Variants in ATXN1 observed in about 807,000 individuals in gnomAD.
ATXN1 encodes the protein ataxin-1.
ATXN1 carries 8 observed loss-of-function variants against 56.4 expected under a neutral mutation model. The observed-to-expected ratio is 0.14, with a 90% confidence interval of 0.08 to 0.26. ATXN1 has a LOEUF of 0.26. ATXN1 is among the 10% of genes least tolerant of loss of function. The pLI is 1.00. For synonymous variants in ATXN1, 514 were observed against 494.6 expected (o/e 1.04, Z -0.52); for missense variants, 987 against 1,106.5 (o/e 0.89, Z 1.53).
At chr6:16,582,595 C>A (rs955253610) in intron 4 of ATXN1, among the ~76,000 whole-genome samples, 1 of 152,150 alleles carries the variant, frequency 6.6e-6, no homozygotes, top group Non-Finnish European at 1.5e-5. Flanking sequence ...AGGTCTTGTA[C>A]ATGAATGCAA....
intron 6 of ATXN1, among the ~76,000 whole-genome samples, chr6:16,436,531 A>G (rs745674292): frequency 7.2e-5 from 11 of 152,190 alleles, no homozygotes; most frequent in Non-Finnish European, 1.0e-4. Context: ...AGAGACAGTA[A>G]CTTTTGGGGA....
intron 1 of ATXN1, among the ~76,000 whole-genome samples, chr6:16,753,671 G>A (rs996728276): frequency 1.8e-4 from 27 of 152,168 alleles, no homozygotes; most frequent in Non-Finnish European, 4.4e-5. Context: ...ATAAACACAT[G>A]CTGGTAACTA....
intron 2 of ATXN1, among the ~76,000 whole-genome samples, chr6:16,736,112 G>A (rs1279513901): frequency 6.6e-6 from 1 of 152,142 alleles, no homozygotes; most frequent in East Asian, 1.9e-4. Context: ...CTAAACTCCA[G>A]AATTCACTGA....
chr6:16,730,336 A>G (rs928735000), intron 2 of ATXN1, among the ~76,000 whole-genome samples: 9 of 152,122 alleles, frequency 5.9e-5, no homozygotes, highest in Non-Finnish European at 1.0e-4. Context: ...TTTCCTTTAT[A>G]AAATTAGATG....
At chr6:16,608,310 G>A (rs959596309) in intron 3 of ATXN1, among the ~76,000 whole-genome samples, 11 of 152,170 alleles carry the variant, frequency 7.2e-5, no homozygotes, top group Admixed American at 5.9e-4. Flanking sequence ...CTGGACCAGT[G>A]AGAAGGGATA....
At chr6:16,611,702 C>A (rs1291211883) in intron 3 of ATXN1, among the ~76,000 whole-genome samples, 2 of 151,982 alleles carry the variant, frequency 1.3e-5, no homozygotes, top group Non-Finnish European at 2.9e-5. Flanking sequence ...ACAAGAGATA[C>A]ATTCCAAAGA....
intron 2 of ATXN1, among the ~76,000 whole-genome samples, chr6:16,673,648 A>ATCAT (rs889792033): frequency 4.0e-4 from 61 of 152,218 alleles, no homozygotes; most frequent in Non-Finnish European, 6.0e-4. Flanking sequence ...ATTTTTAAAA[A>ATCAT]TCATTCATTC....
intron 4 of ATXN1, among the ~76,000 whole-genome samples, chr6:16,577,813 G>A (rs1281972157): frequency 6.6e-6 from 1 of 152,114 alleles, no homozygotes; most frequent in Non-Finnish European, 1.5e-5. Flanking sequence ...TATAGAAATA[G>A]CATATGTAGA....
intron 6 of ATXN1, among the ~76,000 whole-genome samples, chr6:16,412,698 C>T (rs1161272576): frequency 6.6e-6 from 1 of 152,110 alleles, no homozygotes; most frequent in African/African-American, 2.4e-5. Flanking sequence ...TTGAAGGGTA[C>T]GCAAAATCCA....
chr6:16,628,548 G>A (rs1175375706), intron 3 of ATXN1, among the ~76,000 whole-genome samples: 1 of 152,122 alleles, frequency 6.6e-6, no homozygotes, highest in Non-Finnish European at 1.5e-5. Context: ...TTGTTGTACA[G>A]ATGGTTTCGT....
intron 4 of ATXN1, among the ~76,000 whole-genome samples, chr6:16,568,724 T>C (rs916300799): frequency 9.9e-5 from 15 of 152,110 alleles, no homozygotes; most frequent in African/African-American, 4.8e-5. Flanking sequence ...AAATGCTTCA[T>C]CCCAGCCCAT....
chr6:16,319,268 G>A (rs1760590086), intron 7 of ATXN1, among the ~76,000 whole-genome samples: 1 of 151,882 alleles, frequency 6.6e-6, no homozygotes, highest in African/African-American at 2.4e-5. Context: ...GTGCTAAAAA[G>A]AAATGAGCTA....
chr6:16,638,690 C>T (rs1450383497), intron 3 of ATXN1, among the ~76,000 whole-genome samples: 1 of 152,150 alleles, frequency 6.6e-6, no homozygotes, highest in African/African-American at 2.4e-5. Context: ...CTTTAGTATA[C>T]ATTTTTGCTG....
chr6:16,596,524 CTTTGA>C (rs558851493), intron 3 of ATXN1, among the ~76,000 whole-genome samples: 160 of 152,294 alleles, frequency 1.1e-3, no homozygotes, highest in African/African-American at 2.6e-3. Flanking sequence ...CTACAAAAAT[CTTTGA>C]TTTAAAAATG....
intron 2 of ATXN1, among the ~76,000 whole-genome samples, chr6:16,714,943 G>A (rs1759607978): frequency 6.6e-6 from 1 of 152,082 alleles, no homozygotes; most frequent in Non-Finnish European, 1.5e-5. Context: ...TGCCTTGTCT[G>A]TTGCTTTGGG....
intron 2 of ATXN1, chr6:16,739,158 T>C (rs1348651507): frequency 1.4e-5 from 2 of 141,596 alleles, no homozygotes; most frequent in Admixed American, 7.3e-5. Context: ...TTTGGTTGTG[T>C]TACGACTTGT....
intron 3 of ATXN1, among the ~76,000 whole-genome samples, chr6:16,635,179 C>T (rs1028188712): frequency 2.6e-5 from 4 of 152,148 alleles, no homozygotes; most frequent in African/African-American, 9.7e-5. Flanking sequence ...ATGTAGGTTG[C>T]ACCCTCTTTA....
rs145075324 is a variant in ATXN1, at chr6:16,521,005, A to C, written c.-299+1622T>G. 2.6e-5 allele frequency among the ~76,000 whole-genome samples: 4 copies of C among 152,354 alleles called. No individual in the cohort carries two copies. The East Asian group carries it at 7.7e-4, about 29-fold the overall frequency. Reference sequence around the variant, plus strand: ...CAAGTTGGATAAAATAATAAACACAAGCTCTTAATACTACCCTTTGACCAC... The same window carrying C: ...CAAGTTGGATAAAATAATAAACACACGCTCTTAATACTACCCTTTGACCAC... On this transcript the variant is annotated intron_variant, in intron 5 of 7. Transcript: ENST00000436367.
intron 3 of ATXN1, among the ~76,000 whole-genome samples, chr6:16,596,932 ACTCT>A (rs769913912): frequency 2.6e-5 from 4 of 151,256 alleles, no homozygotes; most frequent in Non-Finnish European, 5.9e-5. Context: ...CATCTCAGCG[ACTCT>A]CTCTTTTACC....
Sources: gnomAD v4.1 joint callset for allele counts (sites outside exome capture counted in the v4.1 genomes callset) on GRCh38, gnomAD v4.1.1 for gene constraint, MANE v1.5 for transcripts, NCBI Gene and HGNC (gene_info 2026-07-23, HGNC 2026-07-21) for gene names.